Variants in ME3 observed in about 807,000 individuals in gnomAD.
ME3 encodes NADP-dependent malic enzyme, mitochondrial.
In ME3, 48 loss-of-function variants were observed where a neutral mutation model predicts 68.9. The observed-to-expected ratio is 0.70, with a 90% confidence interval of 0.55 to 0.89. The LOEUF (loss-of-function observed/expected upper bound fraction) is 0.89. ME3 is among the 40% of genes least tolerant of loss of function. The pLI is 0.00. For missense variants in ME3, 675 were observed against 797.4 expected (o/e 0.85, Z 1.85); for synonymous variants, 320 against 318.8 (o/e 1.00, Z -0.04).
chr11:86,489,865 A>G (rs908368650), intron 6 of ME3, among the ~76,000 whole-genome samples: 6 of 151,430 alleles, frequency 4.0e-5, no homozygotes, highest in African/African-American at 1.5e-4. Flanking sequence ...TCACTCATCT[A>G]TTTCTCAAAG....
Position 86,573,025 on chromosome 11 carries a change from G to A in ME3, c.184-13202C>T, listed in dbSNP as rs553309322. Among the ~76,000 whole-genome samples, 14 of 152,274 alleles carry A rather than the reference G, an allele frequency of 9.2e-5. No individual in the cohort carries two copies. The East Asian group carries it at 1.4e-3, about 15-fold the overall frequency. On this transcript the variant is annotated intron_variant, in intron 2 of 14. Transcript: ENST00000543262. ...TGGTTTTGATTTGCATTTCTCTAAC[G>A]ATCAGTGATGTTTAGCTTTTTCTCA...
At chr11:86,569,350 C>T (rs963639638) in intron 2 of ME3, among the ~76,000 whole-genome samples, 1 of 152,184 alleles carries the variant, frequency 6.6e-6, no homozygotes, top group African/African-American at 2.4e-5. Context: ...CGCTTTGACT[C>T]ACACCAGCAC....
intron 2 of ME3, among the ~76,000 whole-genome samples, chr11:86,575,253 C>T (rs1305712515): frequency 6.8e-6 from 1 of 147,380 alleles, no homozygotes; most frequent in South Asian, 2.1e-4. Context: ...TTGCTGTCAC[C>T]TCCACCCCAC....
Position 86,667,171 on chromosome 11 carries a change from C to T in ME3, c.183+4591G>A, listed in dbSNP as rs562940466. Among the ~76,000 whole-genome samples the T allele has an allele frequency of 3.2e-4, 49 of 152,300 alleles. 1 individual carries two copies. The highest frequency in any genetic ancestry group is 8.3e-4 in the South Asian group (4 of 4,818). ...TCTGAGGCCCCACTACGTGAAATGT[C>T]CTGGTCCATAATCACAGTGACTTGA... On this transcript the variant is annotated intron_variant, in intron 2 of 14. Coordinates refer to ENST00000543262, the Ensembl canonical transcript of ME3.
rs535865459 is a variant in ME3 at position 86,620,050 on chromosome 11, TAATA to T, written c.183+51708_183+51711del. Among the ~76,000 whole-genome samples, 166 of 152,312 alleles carry T rather than the reference TAATA, an allele frequency of 1.1e-3. 2 individuals are homozygous for T. The highest frequency in any genetic ancestry group is 3.9e-3 in the African/African-American group (161 of 41,588). Reference sequence around the variant, plus strand: ...TCAGTATTTTTTACACAAAAATAAATAATAAAAAGTTACATTATCTGTTTCATAT... The same window carrying T: ...TCAGTATTTTTTACACAAAAATAAATAAAAGTTACATTATCTGTTTCATAT... On this transcript the variant is annotated intron_variant, in intron 2 of 14. Coordinates refer to ENST00000543262, the Ensembl canonical transcript of ME3.
At chr11:86,519,406 C>T (rs1170832584) in intron 4 of ME3, among the ~76,000 whole-genome samples, 4 of 152,348 alleles carry the variant, frequency 2.6e-5, no homozygotes. Flanking sequence ...TAACCCTTAT[C>T]TCGGCCTGTA....
chr11:86,579,975 G>C (rs1356086607), intron 2 of ME3, among the ~76,000 whole-genome samples: 1 of 152,148 alleles, frequency 6.6e-6, no homozygotes, highest in African/African-American at 2.4e-5. Flanking sequence ...CTTCTTTCCA[G>C]TGCTTAGCTG....
rs1160916016 is a variant in ME3, at chr11:86,522,959, CG to C, written c.468-14093del. On this transcript the variant is annotated intron_variant, in intron 4 of 14. Transcript: ENST00000543262. Reference sequence around the variant, plus strand: ...TTGAGCATCCATGGATTTTGGTATCCGGGGGGAAGGGGGTCTGGGAGGTTGA... The same window carrying C: ...TTGAGCATCCATGGATTTTGGTATCCGGGGGAAGGGGGTCTGGGAGGTTGA... 2.0e-5 allele frequency among the ~76,000 whole-genome samples: 3 copies of C among 152,066 alleles called. No homozygotes were observed. The South Asian group carries it at 6.2e-4, about 32-fold the overall frequency.
intron 2 of ME3, among the ~76,000 whole-genome samples, chr11:86,566,158 C>G (rs902238510): frequency 6.6e-6 from 1 of 152,188 alleles, no homozygotes; most frequent in African/African-American, 2.4e-5. Context: ...CAGCAGACAT[C>G]AAGAAGGAAG....
chr11:86,648,035 G>T (rs2135415860), intron 2 of ME3, among the ~76,000 whole-genome samples: 1 of 152,268 alleles, frequency 6.6e-6, no homozygotes, highest in South Asian at 2.1e-4. Flanking sequence ...AAATGCAAAA[G>T]AATGGAAATC....
intron 2 of ME3, among the ~76,000 whole-genome samples, chr11:86,596,261 G>A (rs1959437245): frequency 6.6e-6 from 1 of 152,092 alleles, no homozygotes; most frequent in African/African-American, 2.4e-5. Flanking sequence ...CTTTGACAAG[G>A]GTTTTCTTTA....
intron 2 of ME3, among the ~76,000 whole-genome samples, chr11:86,655,444 C>T (rs1043742231): frequency 2.6e-5 from 4 of 152,078 alleles, no homozygotes; most frequent in African/African-American, 7.2e-5. Context: ...AATAACGCCA[C>T]GTATCTACAA....
At chr11:86,481,388 T>G (rs956830294) in intron 7 of ME3, among the ~76,000 whole-genome samples, 1 of 152,110 alleles carries the variant, frequency 6.6e-6, no homozygotes, top group Non-Finnish European at 1.5e-5. Context: ...TGCACAGCTC[T>G]ATGAGAATCA....
intron 4 of ME3, among the ~76,000 whole-genome samples, chr11:86,529,210 C>G (rs1955011687): frequency 6.6e-6 from 1 of 152,196 alleles, no homozygotes; most frequent in African/African-American, 2.4e-5. Context: ...AAACTACCAT[C>G]AGAGAATACT....
rs1353204577 is a variant in ME3, at chr11:86,457,467, C to T, written c.920-7069G>A. The T allele has an allele frequency of 4.9e-6, 5 of 1,024,742 alleles. No homozygotes were observed. The Admixed American group carries it at 2.3e-4, about 48-fold the overall frequency. 63.5% of individuals were successfully genotyped at this position (1,024,742 alleles called of 1,614,324 possible). A position where few individuals can be genotyped will look rare whatever the true frequency, so the allele number is the denominator to read the frequency against. On this transcript the variant is annotated intron_variant, in intron 8 of 14. Transcript: ENST00000543262. The stretch of plus-strand genomic sequence containing the variant: ...CTCAGCAGCATTTGGTACTGTTGCC[C>T]ATTTTTTTCCTTTGGGAAGCTATTT...
At chr11:86,526,833 C>T (rs1954792591) in intron 4 of ME3, among the ~76,000 whole-genome samples, 1 of 152,204 alleles carries the variant, frequency 6.6e-6, no homozygotes, top group African/African-American at 2.4e-5. Flanking sequence ...AACTAACAAA[C>T]AGAAAGGACA....
At chr11:86,561,608 T>G (rs1053954643) in intron 2 of ME3, among the ~76,000 whole-genome samples, 2 of 152,204 alleles carry the variant, frequency 1.3e-5, no homozygotes, top group African/African-American at 4.8e-5. Context: ...GAATTCCCAC[T>G]CCAACAATAA....
chr11:86,607,821 C>T (rs926311090), intron 2 of ME3, among the ~76,000 whole-genome samples: 2 of 151,870 alleles, frequency 1.3e-5, no homozygotes, highest in Admixed American at 6.6e-5. Context: ...ATGCAGAATA[C>T]GCCTACTCCC....
At chr11:86,486,877 G>A (rs182498965) in intron 7 of ME3, among the ~76,000 whole-genome samples, 40 of 152,326 alleles carry the variant, frequency 2.6e-4, no homozygotes, top group African/African-American at 8.9e-4. Context: ...CCCAGAGCCC[G>A]TGTGGTCTGC....
Sources: gnomAD v4.1 joint callset for allele counts (sites outside exome capture counted in the v4.1 genomes callset) on GRCh38, gnomAD v4.1.1 for gene constraint, MANE v1.5 for transcripts, NCBI Gene and HGNC (gene_info 2026-07-23, HGNC 2026-07-21) for gene names.